RFPL3: variants seen among roughly 807,000 people sequenced by gnomAD.
The protein encoded by RFPL3 is ret finger protein-like 3.
A neutral mutation model predicts 8.7 loss-of-function variants in RFPL3; 8 were observed. That is an observed-to-expected ratio of 0.92 (90% CI 0.54 to 1.66). The LOEUF (loss-of-function observed/expected upper bound fraction) is 1.66, where lower values mean the gene tolerates loss of function less well. Ranked by LOEUF, RFPL3 falls within the 40% of genes most tolerant of loss-of-function variation. The pLI, the probability that RFPL3 is intolerant of heterozygous loss-of-function variation, is 0.00. For missense variants in RFPL3, 341 were observed against 395.0 expected (o/e 0.86, Z 1.16); for synonymous variants, 145 against 150.5 (o/e 0.96, Z 0.27).
upstream of RFPL3, among the ~76,000 whole-genome samples, chr22:32,355,847 C>G (rs115825524): frequency 0.015 from 2,288 of 151,530 alleles, 59 homozygotes; most frequent in African/African-American, 0.053. Context: ...AAAACCAACT[C>G]TCCTTGAGCA....
chr22:32,360,713 C>T lies in RFPL3; in HGVS notation c.835C>T (p.Leu279=), dbSNP rs780486293. 8.7e-6 allele frequency: 14 copies of T among 1,614,010 alleles called. No homozygotes were observed. The highest frequency in any genetic ancestry group is 2.2e-5 in the East Asian group (1 of 44,898). Residue 279 remains leucine, a synonymous_variant, in exon 2 of 2, where the codon CTG becomes TTG. Transcript: ENST00000249007. ...CAGGAGCGTCTCTGCTGAGGAGCCA[C>T]TGCGCCCATTTTTGGCTCCTTCAAT... ...TFRSVSAEEP[L]RPFLAPSIPP...
Position 32,360,424 on chromosome 22 carries a change from G to C in RFPL3, c.546G>C (p.Trp182Cys). The C allele has an allele frequency of 6.2e-7, 1 of 1,613,958 alleles. No individual in the cohort carries two copies. ...GCTTTACCTGTGGCCGCCACTACTG[G>C]GAGGTGGACGTGGGAACAAGCACAG... ...SPRFTCGRHY[W>C]EVDVGTSTEW... The change falls in exon 2 of 2, where the codon TGG becomes TGC. Residue 182 changes from tryptophan (W) to cysteine (C), a missense_variant. By Grantham distance (215) the Trp-to-Cys change is radical (BLOSUM62 -2). Transcript: ENST00000249007.
Position 32,357,893 on chromosome 22 carries a change from G to A in RFPL3, c.-179G>A. The A allele has an allele frequency of 1.4e-6, 2 of 1,462,620 alleles. No homozygotes were observed. Among genetic ancestry groups the A allele is most frequent in the Admixed American group, 2.7e-5 (1 of 37,012 alleles). 90.6% of individuals were successfully genotyped at this position (1,462,620 alleles called of 1,614,324 possible). On this transcript the variant is annotated 5_prime_UTR_variant, in exon 1 of 2. Transcript: ENST00000249007. The stretch of plus-strand genomic sequence containing the variant: ...CCACGTCACTGGCTCAGGCTCAGCT[G>A]CTGGGTCACCAGGAGAATGGACCCT...
In RFPL3 at chr22:32,360,757, A is replaced by G. The variant is rs2076035; in HGVS notation, c.879A>G (p.Gln293=). The change falls in exon 2 of 2, where the codon CAA becomes CAG. Residue 293 remains glutamine (Q), a synonymous_variant. Transcript: ENST00000249007. ...LAPSIPPNGD[Q]GVLSICPLMN... ...CTTCAATTCCACCTAATGGTGATCA[A>G]GGTGTCTTGAGCATCTGTCCTTTGA... The G allele has an allele frequency of 0.42, 673,854 of 1,601,594 alleles. 101,506 individuals carry two copies. The highest frequency in any genetic ancestry group is 0.7 in the African/African-American group (51,111 of 73,154).
upstream of RFPL3, among the ~76,000 whole-genome samples, chr22:32,356,459 C>G (rs1932670720): frequency 6.6e-6 from 1 of 152,074 alleles, no homozygotes; most frequent in Admixed American, 6.5e-5. Context: ...GCAAGTAATC[C>G]CCCCTTACAC....
rs966405677 is a variant in RFPL3 at position 32,361,123 on chromosome 22, A to T, written c.*291A>T. Reference sequence around the variant, plus strand: ...TCTGTAAGTTCAAATCAATGTTTAAATTATAGAAGTTATGAGGTAAATAAA... The same window carrying T: ...TCTGTAAGTTCAAATCAATGTTTAATTTATAGAAGTTATGAGGTAAATAAA... On this transcript the variant is annotated 3_prime_UTR_variant, in exon 2 of 2. Coordinates refer to ENST00000249007, the MANE Select transcript of RFPL3 (RefSeq NM_001098535.1). 1 of 281,630 alleles carries T rather than the reference A, an allele frequency of 3.6e-6. No homozygotes were observed. The highest frequency in any genetic ancestry group is 2.2e-5 in the African/African-American group (1 of 45,720). 17.4% of individuals were successfully genotyped at this position (281,630 alleles called of 1,614,324 possible). A position where few individuals can be genotyped will look rare whatever the true frequency, so the allele number is the denominator to read the frequency against.
rs1421874351 is a variant in RFPL3 at position 32,360,817 on chromosome 22, T to C, written c.939T>C (p.Pro313=). The part of the protein sequence containing the change: ...NSGTTDAPVR[P]GEAK ...GCACTACTGATGCTCCAGTCCGTCC[T>C]GGGGAGGCCAAATAAGCCGCCACTG... Residue 313 remains proline, a synonymous_variant, in exon 2 of 2, where the codon CCT becomes CCC. Coordinates refer to ENST00000249007, the MANE Select transcript of RFPL3 (RefSeq NM_001098535.1). The C allele has an allele frequency of 6.6e-7, 1 of 1,525,196 alleles. No individual in the cohort carries two copies. Among genetic ancestry groups the C allele is most frequent in the Admixed American group, 2.2e-5 (1 of 44,770 alleles). 94.5% of individuals were successfully genotyped at this position (1,525,196 alleles called of 1,614,324 possible).
Position 32,361,022 on chromosome 22 carries a change from T to A in RFPL3, c.*190T>A. 2.0e-6 allele frequency: 1 copy of A among 509,224 alleles called. No homozygotes were observed. Among genetic ancestry groups the A allele is most frequent in the Non-Finnish European group, 3.2e-6 (1 of 310,248 alleles). 31.5% of individuals were successfully genotyped at this position (509,224 alleles called of 1,614,324 possible). On this transcript the variant is annotated 3_prime_UTR_variant, in exon 2 of 2. Transcript: ENST00000249007. Reference sequence around the variant, plus strand: ...TTGCCACCATCCAACTCATTGAGTCTTATGGTTCACATCTTGTTTCCTATA... The same window carrying A: ...TTGCCACCATCCAACTCATTGAGTCATATGGTTCACATCTTGTTTCCTATA...
At position 32,360,714 on chromosome 22, in the gene RFPL3, T is replaced by C. The variant is rs749799423; in HGVS notation, c.836T>C (p.Leu279Pro). The C allele has an allele frequency of 6.2e-7, 1 of 1,614,134 alleles. No homozygotes were observed. ...TFRSVSAEEP[L>P]RPFLAPSIPP... ...AGGAGCGTCTCTGCTGAGGAGCCAC[T>C]GCGCCCATTTTTGGCTCCTTCAATT... Residue 279 changes from leucine (L) to proline (P), a missense_variant, in exon 2 of 2, where the codon CTG becomes CCG. Coordinates refer to ENST00000249007, the MANE Select transcript of RFPL3 (RefSeq NM_001098535.1).
In RFPL3 at chr22:32,360,247, C is replaced by G. The variant is rs201696385; in HGVS notation, c.374-5C>G. 3.9e-5 allele frequency: 62 copies of G among 1,605,572 alleles called. No individual in the cohort carries two copies. The highest frequency in any genetic ancestry group is 5.4e-5 in the African/African-American group (4 of 74,666). Reference sequence around the variant, plus strand: ...TTGCTGAGCAACTTGTTTTCCTTTTCACAGTGGATATGACCTTGGATGCCG... The same window carrying G: ...TTGCTGAGCAACTTGTTTTCCTTTTGACAGTGGATATGACCTTGGATGCCG... On this transcript the variant is annotated splice_polypyrimidine_tract_variant and splice_region_variant and intron_variant, in intron 1 of 1. Coordinates refer to ENST00000249007, the MANE Select transcript of RFPL3 (RefSeq NM_001098535.1).
In RFPL3 at chr22:32,361,152, T is replaced by G; in HGVS notation, c.*320T>G. ...TAGAAGTTATGAGGTAAATAAACAT[T>G]TGGATATCACCTAATGCATCATGTG... On this transcript the variant is annotated 3_prime_UTR_variant, in exon 2 of 2. Transcript: ENST00000249007. 1 of 223,990 alleles carries G rather than the reference T, an allele frequency of 4.5e-6. No individual in the cohort carries two copies. Among genetic ancestry groups the G allele is most frequent in the Middle Eastern group, 1.6e-3 (1 of 644 alleles). 13.9% of individuals were successfully genotyped at this position (223,990 alleles called of 1,614,324 possible).
Position 32,360,524 on chromosome 22 carries a change from T to C in RFPL3, c.646T>C (p.Trp216Arg), listed in dbSNP as rs763050785. 1 of 1,614,008 alleles carries C rather than the reference T, an allele frequency of 6.2e-7. No homozygotes were observed. The highest frequency in any genetic ancestry group is 8.5e-7 in the Non-Finnish European group (1 of 1,179,874). Residue 216 changes from tryptophan to arginine, a missense_variant, in exon 2 of 2, where the codon TGG becomes CGG. By Grantham distance (101) the Trp-to-Arg change is moderately radical (BLOSUM62 -3). Transcript: ENST00000249007. ...CCAGCTGACCACAGAGCTTGGATTCTGGACTGTGAGTTTGAGGGATGGAAG... is the reference window on the plus strand; with the variant it reads ...CCAGCTGACCACAGAGCTTGGATTCCGGACTGTGAGTTTGAGGGATGGAAG... ...KIQLTTELGF[W>R]TVSLRDGSRL...
rs779414250 is a variant in RFPL3 at position 32,358,398 on chromosome 22, G to A, written c.327G>A (p.Lys109=). 4 of 1,614,074 alleles carry A rather than the reference G, an allele frequency of 2.5e-6. No individual in the cohort carries two copies. The highest frequency in any genetic ancestry group is 2.2e-5 in the East Asian group (1 of 44,874). Residue 109 remains lysine, a synonymous_variant, in exon 1 of 2, where the codon AAG becomes AAA. Transcript: ENST00000249007. ...CCCACATCAAGGAACTGGAGCCCAA[G>A]CTGAAGAAGATTCTACAGATGAACC... ...LVSHIKELEP[K]LKKILQMNPR... is the part of the protein sequence containing the mutation.
At position 32,360,606 on chromosome 22, in the gene RFPL3, A is replaced by G. The variant is rs778548570; in HGVS notation, c.728A>G (p.Gln243Arg). The G allele has an allele frequency of 1.9e-5, 30 of 1,613,286 alleles. No homozygotes were observed. Among genetic ancestry groups the G allele is most frequent in the Non-Finnish European group, 2.3e-5 (27 of 1,179,430 alleles). The change falls in exon 2 of 2, where the codon CAG becomes CGG. Residue 243 changes from glutamine (Q) to arginine (R), a missense_variant. By Grantham distance (43) the Gln-to-Arg change is conservative. Coordinates refer to ENST00000249007, the MANE Select transcript of RFPL3 (RefSeq NM_001098535.1). The part of the protein sequence containing the change: ...LTFLLVDRKL[Q>R]RVGIFLDMGM... ...TTCCTCTTAGTAGACCGCAAGTTAC[A>G]GCGAGTGGGGATTTTTCTGGATATG...
At chr22:32,356,931 G>C (rs1601405199), upstream of RFPL3, 5 of 515,322 alleles carry the variant, frequency 9.7e-6, no homozygotes, top group East Asian at 2.8e-4. Context: ...CTTTTGGCTT[G>C]GAGCTCCTCA....
chr22:32,357,191 C>T (rs1022939145), upstream of RFPL3, among the ~76,000 whole-genome samples: 4 of 152,294 alleles, frequency 2.6e-5, no homozygotes, highest in East Asian at 1.9e-4. Context: ...TGTCCCCTGC[C>T]CACCAGTGGT....
At chr22:32,357,790 CATCA>C, upstream of RFPL3, 1 of 1,156,912 alleles carries the variant, frequency 8.6e-7, no homozygotes, top group Non-Finnish European at 1.1e-6. Context: ...TTCTTATGTT[CATCA>C]ATCAGTCTCT....
rs778737395 is a variant in RFPL3 at position 32,360,315 on chromosome 22, G to A, written c.437G>A (p.Ser146Asn). 1.2e-6 allele frequency: 2 copies of A among 1,613,844 alleles called. No homozygotes were observed. The highest frequency in any genetic ancestry group is 8.5e-7 in the Non-Finnish European group (1 of 1,179,886). Residue 146 changes from serine (S) to asparagine (N), a missense_variant, in exon 2 of 2, where the codon AGC (serine) becomes AAC (asparagine). Ser to Asn is a conservative substitution (Grantham distance 46, BLOSUM62 1). Coordinates refer to ENST00000249007, the MANE Select transcript of RFPL3 (RefSeq NM_001098535.1). The stretch of plus-strand genomic sequence containing the variant: ...CTCCTCATTTCTGACGACCTCAGGA[G>A]CGTCCGAAGTGGGCTCATCACACAG... Reference protein sequence around the residue: ...NFLLISDDLRSVRSGLITQNR... With the variant: ...NFLLISDDLRNVRSGLITQNR...
chr22:32,359,402 G>C (rs887547903), intron 1 of RFPL3, among the ~76,000 whole-genome samples: 1 of 151,078 alleles, frequency 6.6e-6, no homozygotes, highest in Non-Finnish European at 1.5e-5. Flanking sequence ...TGACTTGAAG[G>C]ATAATATATT....
Sources: gnomAD v4.1 joint callset for allele counts (sites outside exome capture counted in the v4.1 genomes callset) on GRCh38, gnomAD v4.1.1 for gene constraint, MANE v1.5 for transcripts, NCBI Gene and HGNC (gene_info 2026-07-23, HGNC 2026-07-21) for gene names.